MYO9A: variants seen among roughly 807,000 people sequenced by gnomAD.
MYO9A encodes the protein unconventional myosin-IXa.
MYO9A carries 103 observed loss-of-function variants against 293.3 expected under a neutral mutation model. The observed-to-expected ratio is 0.35, with a 90% CI of 0.30 to 0.41. MYO9A has a LOEUF of 0.41. Among genes scored for constraint, MYO9A ranks in the 10% least tolerant of loss-of-function variants. The pLI is 1.00. For missense variants in MYO9A, 2,685 were observed against 3,033.0 expected (o/e 0.89, Z 2.69); for synonymous variants, 1,001 against 1,035.7 (o/e 0.97, Z 0.64).
At chr15:72,010,209 G>C (rs1214595918) in intron 7 of MYO9A, 141 bp downstream of exon 7, 3 of 572,290 alleles carry the variant, frequency 5.2e-6, no homozygotes, top group East Asian at 5.7e-5. Context: ...AAAGGAATTA[G>C]AAATAATGCT....
Position 72,040,545 on chromosome 15 carries a change from C to G in MYO9A, c.840+5179G>C, listed in dbSNP as rs182848934. 7.9e-5 allele frequency among the ~76,000 whole-genome samples: 12 copies of G among 152,236 alleles called. No homozygotes were observed. In the East Asian group the frequency reaches 2.1e-3, roughly 27 times the overall value. On this transcript the variant is annotated intron_variant, in intron 2 of 41. Transcript: ENST00000356056. ...TTCATTCATTAATTTTACTCCTCAC[C>G]CTTCTATGTGTCTGCGAGCCTAATC...
At position 72,006,316 on chromosome 15, in the gene MYO9A, T is replaced by C. The variant is rs372310824; in HGVS notation, c.1380+1510A>G. Among the ~76,000 whole-genome samples the C allele has an allele frequency of 7.2e-5, 11 of 152,232 alleles. No homozygotes were observed. The East Asian group carries it at 1.9e-3, about 27-fold the overall frequency. ...GGTCTCCCTATGTTGCCCAGGCTGG[T>C]CTTGAACTCCTAGGGTTCAAGCAAC... is the stretch of plus-strand genomic sequence containing the variant. On this transcript the variant is annotated intron_variant, in intron 8 of 41. Transcript: ENST00000356056.
chr15:71,880,963 A>G (rs1453299354), intron 28 of MYO9A, among the ~76,000 whole-genome samples: 1 of 152,152 alleles, frequency 6.6e-6, no homozygotes, highest in Admixed American at 6.6e-5. Context: ...CATGTTTGAA[A>G]CAATATGTGT....
In MYO9A at chr15:71,899,947, A is replaced by G; in HGVS notation, c.3210T>C (p.Asp1070=). The change falls in exon 24 of 42, where the codon GAT becomes GAC. Residue 1070 remains aspartate, a synonymous_variant. Coordinates refer to ENST00000356056, the MANE Select transcript of MYO9A (RefSeq NM_006901.4). ...CAGCTGCACTAGCCATAACAAAAGCATCCTTCTGCACAGCTGCATCTCTGA... is the reference window on the plus strand; with the variant it reads ...CAGCTGCACTAGCCATAACAAAAGCGTCCTTCTGCACAGCTGCATCTCTGA... The part of the protein sequence containing the change: ...KQVRDAAVQK[D]AFVMASAAAL... 1 of 1,614,120 alleles carries G rather than the reference A, an allele frequency of 6.2e-7. No individual in the cohort carries two copies. The highest frequency in any genetic ancestry group is 8.5e-7 in the Non-Finnish European group (1 of 1,180,020).
chr15:71,854,574 A>T lies in MYO9A; in HGVS notation c.6154-5T>A, dbSNP rs146161400. 5,644 of 1,561,246 alleles carry T rather than the reference A, an allele frequency of 3.6e-3. 181 individuals are homozygous for T. In the Admixed American group the frequency reaches 0.069, roughly 19 times the overall value. On this transcript the variant is annotated splice_region_variant and splice_polypyrimidine_tract_variant and intron_variant, in intron 34 of 41. Transcript: ENST00000356056. ...AGATGACAGCTCTGGATCATACTAA[A>T]TGAAAGATAATTTTTAGTTTCCAAA...
At chr15:71,982,732 G>A (rs2076307148) in intron 11 of MYO9A, among the ~76,000 whole-genome samples, 1 of 152,142 alleles carries the variant, frequency 6.6e-6, no homozygotes, top group Admixed American at 6.5e-5. Context: ...TATTCTATCA[G>A]CAAGTCAGCA....
chr15:71,826,018 T>G lies in MYO9A; in HGVS notation c.*562A>C, dbSNP rs962885501. The G allele has an allele frequency of 1.4e-5, 2 of 139,484 alleles. No homozygotes were observed. Among genetic ancestry groups the G allele is most frequent in the African/African-American group, 5.5e-5 (2 of 36,590 alleles). The allele number at this position is 139,484 out of a possible 1,614,324, so 8.6% of individuals were successfully genotyped here. ...TTGTTTTTTTTTTTTTGTTTTTTTTTTTTGTTTTTGCTTTCCCCAGAATAT... is the reference window on the plus strand; with the variant it reads ...TTGTTTTTTTTTTTTTGTTTTTTTTGTTTGTTTTTGCTTTCCCCAGAATAT... On this transcript the variant is annotated 3_prime_UTR_variant, in exon 42 of 42. Coordinates refer to ENST00000356056, the MANE Select transcript of MYO9A (RefSeq NM_006901.4).
chr15:72,047,230 G>A lies in MYO9A; in HGVS notation c.-71-596C>T, dbSNP rs145570556. Among the ~76,000 whole-genome samples, 639 of 152,278 alleles carry A rather than the reference G, an allele frequency of 4.2e-3. 3 individuals carry two copies. Among genetic ancestry groups the A allele is most frequent in the Middle Eastern group, 6.8e-3 (2 of 294 alleles). On this transcript the variant is annotated intron_variant, in intron 1 of 41. Coordinates refer to ENST00000356056, the MANE Select transcript of MYO9A (RefSeq NM_006901.4). ...CTGACTCACTCCCTCCCACAAGGTG[G>A]GAAGGAGAAGGGAGTTTGGCAAGAG...
chr15:71,944,431 C>T (rs1402524089), intron 15 of MYO9A, among the ~76,000 whole-genome samples: 1 of 152,048 alleles, frequency 6.6e-6, no homozygotes, highest in Non-Finnish European at 1.5e-5. Context: ...CACAAGATTA[C>T]AAAAATTTGT....
intron 24 of MYO9A, 63 bp downstream of exon 24, chr15:71,899,624 A>G: frequency 1.5e-6 from 2 of 1,361,100 alleles, no homozygotes; most frequent in Non-Finnish European, 2.0e-6. Flanking sequence ...GTGTTAATGC[A>G]GAGGTATAAA....
At chr15:72,057,255 CA>C (rs1284114237) in intron 1 of MYO9A, among the ~76,000 whole-genome samples, 12 of 152,030 alleles carry the variant, frequency 7.9e-5, no homozygotes, top group African/African-American at 2.7e-4. Flanking sequence ...GACGAGAGAG[CA>C]AGACTCCATC....
At chr15:71,860,332 A>T (rs11630110) in intron 33 of MYO9A, among the ~76,000 whole-genome samples, 2 of 152,218 alleles carry the variant, frequency 1.3e-5, no homozygotes, top group South Asian at 4.1e-4. Flanking sequence ...GCTCTGAAGA[A>T]CCAGAACATG....
chr15:72,061,002 A>C (rs2078862720), intron 1 of MYO9A, among the ~76,000 whole-genome samples: 1 of 152,168 alleles, frequency 6.6e-6, no homozygotes, highest in South Asian at 2.1e-4. Context: ...CAATACAGTA[A>C]AGCACCAAGC....
rs531506206 is a variant in MYO9A, at chr15:71,982,923, C to G, written c.1723-4631G>C. ...AACATTATTAAATATTCCTTTTTAT[C>G]TCTAGTAATGCTTGAAATATGATAT... On this transcript the variant is annotated intron_variant, in intron 11 of 41. Coordinates refer to ENST00000356056, the MANE Select transcript of MYO9A (RefSeq NM_006901.4). Among the ~76,000 whole-genome samples, 363 of 152,270 alleles carry G rather than the reference C, an allele frequency of 2.4e-3. 1 individual carries two copies. Among genetic ancestry groups the G allele is most frequent in the Non-Finnish European group, 4.5e-3 (303 of 68,014 alleles).
Position 71,937,018 on chromosome 15 carries a change from CAGGA to C in MYO9A, c.2379-1538_2379-1535del, listed in dbSNP as rs2058661017. The stretch of plus-strand genomic sequence containing the variant: ...GAAGCAAGTGAGGGAAGAAGGAAAG[CAGGA>C]AGGAAGGAAAAACGAAGGGAGGGAG... On this transcript the variant is annotated intron_variant, in intron 16 of 41. Transcript: ENST00000356056. Among the ~76,000 whole-genome samples, 4 of 129,896 alleles carry C rather than the reference CAGGA, an allele frequency of 3.1e-5. No homozygotes were observed. In the Admixed American group the frequency reaches 3.3e-4, roughly 11 times the overall value. 85.2% of individuals were successfully genotyped at this position (129,896 alleles called of 152,430 possible). A position where few individuals can be genotyped will look rare whatever the true frequency, so the allele number is the denominator to read the frequency against.
intron 18 of MYO9A, among the ~76,000 whole-genome samples, chr15:71,933,022 A>T (rs920646464): frequency 1.3e-4 from 20 of 152,228 alleles, no homozygotes; most frequent in South Asian, 1.2e-3. Flanking sequence ...AAAATAAAAA[A>T]AAACCAGAGC....
chr15:72,103,198 GA>G (rs879235613), intron 1 of MYO9A, among the ~76,000 whole-genome samples: 48 of 138,682 alleles, frequency 3.5e-4, no homozygotes, highest in African/African-American at 2.9e-4. Context: ...TAAGTCTCAA[GA>G]AAAAAAAAAA....
intron 1 of MYO9A, among the ~76,000 whole-genome samples, chr15:72,091,368 T>C (rs1248647093): frequency 6.6e-6 from 1 of 152,224 alleles, no homozygotes; most frequent in African/African-American, 2.4e-5. Flanking sequence ...TTAACCACTT[T>C]ATTCTTTTCT....
At chr15:72,035,028 A>G (rs2077999600) in intron 2 of MYO9A, among the ~76,000 whole-genome samples, 2 of 152,208 alleles carry the variant, frequency 1.3e-5, no homozygotes, top group East Asian at 1.9e-4. Flanking sequence ...ATCACCAACT[A>G]TTACAGAAAT....
Sources: gnomAD v4.1 joint callset for allele counts (sites outside exome capture counted in the v4.1 genomes callset) on GRCh38, gnomAD v4.1.1 for gene constraint, MANE v1.5 for transcripts, NCBI Gene and HGNC (gene_info 2026-07-23, HGNC 2026-07-21) for gene names.